CCNY: variants seen among roughly 807,000 people sequenced by gnomAD.
CCNY encodes cyclin-Y.
CCNY carries 19 observed loss-of-function variants against 42.8 expected under a neutral mutation model. That is an observed-to-expected ratio of 0.44 (90% CI 0.31 to 0.65). The LOEUF (loss-of-function observed/expected upper bound fraction) is 0.65. Among genes scored for constraint, CCNY ranks in the 30% least tolerant of loss-of-function variants. The pLI, the probability that CCNY is intolerant of heterozygous loss-of-function variation, is 0.07. For missense variants in CCNY, 370 were observed against 437.3 expected, an observed-to-expected ratio of 0.85 and a Z score of 1.37; for synonymous variants, 165 against 162.7, an observed-to-expected ratio of 1.01 and a Z score of -0.11.
intron 1 of CCNY, among the ~76,000 whole-genome samples, chr10:35,348,544 C>T (rs574614777): frequency 1.3e-5 from 2 of 152,342 alleles, no homozygotes; most frequent in East Asian, 3.9e-4. Flanking sequence ...ACGAAGCTGC[C>T]TGCAGTCTCT....
At chr10:35,328,220 T>C (rs149377806) in intron 3 of CCNY, among the ~76,000 whole-genome samples, 68 of 152,282 alleles carry the variant, frequency 4.5e-4, no homozygotes, top group African/African-American at 1.5e-3. Flanking sequence ...GGCACACCAG[T>C]GAGGGGGGCA....
chr10:35,300,918 C>A (rs554877964), intron 3 of CCNY, among the ~76,000 whole-genome samples: 2 of 152,252 alleles, frequency 1.3e-5, no homozygotes, highest in East Asian at 3.9e-4. Context: ...GATTCTCCTG[C>A]CTCAGCCTCC....
chr10:35,489,767 A>T lies in CCNY; in HGVS notation c.229+6289A>T, dbSNP rs114043449. Among the ~76,000 whole-genome samples, 343 of 152,238 alleles carry T rather than the reference A, an allele frequency of 2.3e-3. 1 individual carries two copies. Among genetic ancestry groups the T allele is most frequent in the African/African-American group, 7.8e-3 (323 of 41,588 alleles). On this transcript the variant is annotated intron_variant, in intron 2 of 9. Coordinates refer to ENST00000374704, the MANE Select transcript of CCNY (RefSeq NM_145012.6). ...TTTGTTCTCCTTCTATTTTATTGAC[A>T]GTAGAGAATTGGAATCTATTTGATT...
chr10:35,494,696 A>G (rs1445024132), intron 2 of CCNY, among the ~76,000 whole-genome samples: 1 of 152,258 alleles, frequency 6.6e-6, no homozygotes, highest in Non-Finnish European at 1.5e-5. Flanking sequence ...GAATTATTAT[A>G]CAATCAGTCA....
intron 1 of CCNY, among the ~76,000 whole-genome samples, chr10:35,410,319 C>T (rs986478910): frequency 7.2e-5 from 11 of 152,176 alleles, no homozygotes; most frequent in Middle Eastern, 3.4e-3. Context: ...TTTTCTCCAA[C>T]TTTCTTCCCA....
intron 1 of CCNY, among the ~76,000 whole-genome samples, chr10:35,397,700 G>T (rs1389158684): frequency 6.6e-6 from 1 of 152,164 alleles, no homozygotes; most frequent in Non-Finnish European, 1.5e-5. Flanking sequence ...CAGTGCTTGA[G>T]TTATGTCTGA....
chr10:35,315,753 C>T (rs564890263), intron 3 of CCNY, among the ~76,000 whole-genome samples: 1 of 152,280 alleles, frequency 6.6e-6, no homozygotes, highest in South Asian at 2.1e-4. Flanking sequence ...AGCTCCCCAG[C>T]ATCTGTTATT....
rs114433341 is a variant in CCNY at position 35,401,518 on chromosome 10, T to C, written c.154+64311T>C. On this transcript the variant is annotated intron_variant, in intron 1 of 9. Coordinates refer to ENST00000374704, the MANE Select transcript of CCNY (RefSeq NM_145012.6). ...TCCCAAAGAAATTTTCTTTTCTTTT[T>C]TTTTTTTCTTAGGAGGTACAAGCAA... 9.7e-3 allele frequency among the ~76,000 whole-genome samples: 1,475 copies of C among 152,306 alleles called. 23 individuals carry two copies. The highest frequency in any genetic ancestry group is 0.033 in the African/African-American group (1,386 of 41,564).
At chr10:35,341,332 G>C (rs1045515748) in intron 1 of CCNY, among the ~76,000 whole-genome samples, 4 of 152,186 alleles carry the variant, frequency 2.6e-5, no homozygotes, top group Admixed American at 6.5e-5. Context: ...GTTCAAGCCT[G>C]ACCTTTTCAG....
In CCNY at chr10:35,307,124, C is replaced by T. The variant is rs115231267; in HGVS notation, c.-9+56498C>T. Among the ~76,000 whole-genome samples the T allele has an allele frequency of 1.9e-3, 288 of 152,318 alleles. 2 individuals carry two copies. Among genetic ancestry groups the T allele is most frequent in the African/African-American group, 6.5e-3 (272 of 41,568 alleles). On this transcript the variant is annotated intron_variant, in intron 3 of 11. Coordinates refer to the CCNY transcript ENST00000374706. ...CGGGTAACACGCTGGCAACCTGGGCCTCTGCTTCCTGATTCATAACTCAGG... is the reference window on the plus strand; with the variant it reads ...CGGGTAACACGCTGGCAACCTGGGCTTCTGCTTCCTGATTCATAACTCAGG...
chr10:35,372,239 G>A (rs770003166), intron 1 of CCNY, among the ~76,000 whole-genome samples: 6 of 152,154 alleles, frequency 3.9e-5, no homozygotes, highest in African/African-American at 1.4e-4. Flanking sequence ...AGGAGAGGAG[G>A]GGACAGCAAG....
chr10:35,548,487 G>A (rs1020844158), intron 7 of CCNY, among the ~76,000 whole-genome samples: 18 of 151,882 alleles, frequency 1.2e-4, no homozygotes, highest in South Asian at 2.1e-4. Context: ...TAGTAGAGAC[G>A]GGGTTTCACC....
chr10:35,439,258 A>T (rs1838609766), intron 1 of CCNY, among the ~76,000 whole-genome samples: 1 of 152,102 alleles, frequency 6.6e-6, no homozygotes, highest in Non-Finnish European at 1.5e-5. Flanking sequence ...CTTTTTTCAC[A>T]GTCCCACAAG....
intron 1 of CCNY, among the ~76,000 whole-genome samples, chr10:35,428,542 G>T (rs777394716): frequency 6.6e-6 from 1 of 152,058 alleles, no homozygotes; most frequent in African/African-American, 2.4e-5. Context: ...TAATAATTTT[G>T]GTATTTTTAC....
intron 1 of CCNY, among the ~76,000 whole-genome samples, chr10:35,475,217 G>A (rs948494591): frequency 7.2e-5 from 11 of 152,074 alleles, no homozygotes; most frequent in African/African-American, 2.7e-4. Flanking sequence ...ACACTCTGCA[G>A]GATATTATCC....
rs549910932 is a variant in CCNY at position 35,516,511 on chromosome 10, G to A, written c.265-12G>A. 13 of 1,594,006 alleles carry A rather than the reference G, an allele frequency of 8.2e-6. No homozygotes were observed. The highest frequency in any genetic ancestry group is 1.1e-5 in the South Asian group (1 of 90,598). ...GTGTAATTGCCTTAATCTTCTTGCT[G>A]TTGTTTTCTAGCATCCTCCAGGACA... On this transcript the variant is annotated splice_polypyrimidine_tract_variant and intron_variant, in intron 3 of 9. Coordinates refer to ENST00000374704, the MANE Select transcript of CCNY (RefSeq NM_145012.6).
At chr10:35,451,458 G>T (rs1213866245) in intron 1 of CCNY, among the ~76,000 whole-genome samples, 3 of 152,206 alleles carry the variant, frequency 2.0e-5, no homozygotes, top group Admixed American at 2.0e-4. Flanking sequence ...CTGGAAAGTT[G>T]GTGATGAACA....
intron 4 of CCNY, among the ~76,000 whole-genome samples, chr10:35,517,305 G>A (rs1840450333): frequency 6.6e-6 from 1 of 152,062 alleles, no homozygotes; most frequent in South Asian, 2.1e-4. Flanking sequence ...TTCCTTTATT[G>A]TACCACTAGC....
chr10:35,477,082 A>G (rs1839530232), intron 1 of CCNY, among the ~76,000 whole-genome samples: 1 of 152,200 alleles, frequency 6.6e-6, no homozygotes. Flanking sequence ...CCAAGACTAA[A>G]CCAGGAAGAA....
Sources: allele counts gnomAD v4.1 joint callset (sites outside exome capture counted in the v4.1 genomes callset), GRCh38; gene constraint gnomAD v4.1.1; transcripts MANE v1.5; gene names NCBI Gene and HGNC (gene_info 2026-07-23, HGNC 2026-07-21).